The following CDH18 variants were observed in gnomAD, a reference collection of about 807,000 sequenced individuals.
The protein encoded by CDH18 is cadherin-18.
In CDH18, 31 loss-of-function variants were observed where a neutral mutation model predicts 67.9. That is an observed-to-expected ratio of 0.46 (90% confidence interval 0.34 to 0.62). The LOEUF (loss-of-function observed/expected upper bound fraction) is 0.62. Among genes scored for constraint, CDH18 ranks in the 20% least tolerant of loss-of-function variants. The pLI is 0.01. For missense variants in CDH18, 890 were observed against 975.5 expected (o/e 0.91, Z 1.17); for synonymous variants, 362 against 347.2 (o/e 1.04, Z -0.48).
At chr5:19,558,997 C>T (rs999054884) in intron 8 of CDH18, among the ~76,000 whole-genome samples, 2 of 152,028 alleles carry the variant, frequency 1.3e-5, no homozygotes, top group East Asian at 1.9e-4. Context: ...TTCACAGTAG[C>T]CTAGAGTTCT....
chr5:20,256,884 G>C (rs1356637223), intron 1 of CDH18, among the ~76,000 whole-genome samples: 1 of 151,876 alleles, frequency 6.6e-6, no homozygotes. Flanking sequence ...AATGGGCTGT[G>C]ATGTTCTGGA....
chr5:19,593,361 T>C (rs934877171), intron 6 of CDH18, among the ~76,000 whole-genome samples: 2 of 152,140 alleles, frequency 1.3e-5, no homozygotes, highest in Admixed American at 1.3e-4. Context: ...ATAGCCATCC[T>C]GAGAGGTATG....
chr5:19,875,286 C>T (rs560549380), intron 2 of CDH18, among the ~76,000 whole-genome samples: 1 of 152,192 alleles, frequency 6.6e-6, no homozygotes, highest in African/African-American at 2.4e-5. Flanking sequence ...GAAAAGTCAG[C>T]AACTGAGAGA....
At chr5:20,503,686 A>C (rs1044728241) in intron 1 of CDH18, among the ~76,000 whole-genome samples, 1 of 152,222 alleles carries the variant, frequency 6.6e-6, no homozygotes, top group African/African-American at 2.4e-5. Context: ...ATTACCTTTC[A>C]TATGGAAAAG....
chr5:20,257,019 T>G (rs1245543272), intron 1 of CDH18, among the ~76,000 whole-genome samples: 1 of 151,760 alleles, frequency 6.6e-6, no homozygotes, highest in African/African-American at 2.4e-5. Flanking sequence ...ATCATCATCC[T>G]CTATCTACTT....
At chr5:20,205,908 TTAAA>T (rs1348284471) in intron 2 of CDH18, among the ~76,000 whole-genome samples, 1 of 151,532 alleles carries the variant, frequency 6.6e-6, no homozygotes, top group Non-Finnish European at 1.5e-5. Context: ...GTGTAAAGAC[TTAAA>T]TAAACAAGTG....
chr5:20,234,759 G>T (rs1742345172), intron 2 of CDH18, among the ~76,000 whole-genome samples: 1 of 152,078 alleles, frequency 6.6e-6, no homozygotes, highest in Non-Finnish European at 1.5e-5. Flanking sequence ...CTTTAAGCAG[G>T]CTATTGTGTA....
chr5:19,655,289 C>A (rs1291926484), intron 5 of CDH18, among the ~76,000 whole-genome samples: 2 of 151,944 alleles, frequency 1.3e-5, no homozygotes, highest in Non-Finnish European at 2.9e-5. Context: ...TAAATATTAT[C>A]TACTCAAGAA....
chr5:19,877,697 T>C (rs1226475444), intron 2 of CDH18, among the ~76,000 whole-genome samples: 1 of 152,122 alleles, frequency 6.6e-6, no homozygotes, highest in Non-Finnish European at 1.5e-5. Flanking sequence ...GTAGATAGAA[T>C]TATGTAACTG....
At chr5:19,936,690 G>C (rs1228953819) in intron 2 of CDH18, among the ~76,000 whole-genome samples, 2 of 150,904 alleles carry the variant, frequency 1.3e-5, no homozygotes. Context: ...GTAAAATGTT[G>C]AGATTCTGAA....
chr5:20,209,942 A>C (rs1434203096), intron 2 of CDH18, among the ~76,000 whole-genome samples: 4 of 151,528 alleles, frequency 2.6e-5, no homozygotes, highest in Non-Finnish European at 5.9e-5. Context: ...ATGTACCCCC[A>C]AAATATTTTC....
At chr5:19,550,848 C>T (rs1476095584) in intron 8 of CDH18, among the ~76,000 whole-genome samples, 1 of 152,160 alleles carries the variant, frequency 6.6e-6, no homozygotes, top group African/African-American at 2.4e-5. Context: ...CACTGACTTC[C>T]ACAATGGTTG....
intron 4 of CDH18, among the ~76,000 whole-genome samples, chr5:19,725,447 A>C (rs992083296): frequency 1.3e-5 from 2 of 152,206 alleles, no homozygotes; most frequent in Non-Finnish European, 2.9e-5. Context: ...AAATATGGTT[A>C]AAAATGATAT....
At chr5:20,060,457 C>T (rs1045506359) in intron 2 of CDH18, among the ~76,000 whole-genome samples, 4 of 151,474 alleles carry the variant, frequency 2.6e-5, no homozygotes, top group African/African-American at 9.7e-5. Flanking sequence ...AAGCGAGATT[C>T]TGTCTCAAAA....
chr5:20,173,977 G>A (rs1737039706), intron 2 of CDH18, among the ~76,000 whole-genome samples: 1 of 151,950 alleles, frequency 6.6e-6, no homozygotes, highest in African/African-American at 2.4e-5. Context: ...CCATGATGTG[G>A]GGAAATTATA....
At chr5:19,832,662 T>G (rs1781187012) in intron 3 of CDH18, among the ~76,000 whole-genome samples, 1 of 152,154 alleles carries the variant, frequency 6.6e-6, no homozygotes, top group Admixed American at 6.6e-5. Flanking sequence ...TGGTTTAAGG[T>G]TTTATATTTA....
At chr5:19,853,062 G>A (rs1783891971) in intron 2 of CDH18, among the ~76,000 whole-genome samples, 1 of 152,128 alleles carries the variant, frequency 6.6e-6, no homozygotes, top group African/African-American at 2.4e-5. Context: ...AACTGTGAGA[G>A]GCATGTGCAT....
chr5:20,010,368 C>T (rs116705928), intron 2 of CDH18, among the ~76,000 whole-genome samples: 2,981 of 152,046 alleles, frequency 0.02, 46 homozygotes, highest in Middle Eastern at 0.044. Context: ...CACCACCACG[C>T]CCCACTATTT....
chr5:19,649,234 T>C (rs544907514), intron 5 of CDH18, among the ~76,000 whole-genome samples: 6 of 152,278 alleles, frequency 3.9e-5, no homozygotes, highest in African/African-American at 1.4e-4. Context: ...AGTCTTTGAA[T>C]GCCAATAAAC....
Sources: allele counts gnomAD v4.1 joint callset (sites outside exome capture counted in the v4.1 genomes callset), GRCh38; gene constraint gnomAD v4.1.1; transcripts MANE v1.5; gene names NCBI Gene and HGNC (gene_info 2026-07-23, HGNC 2026-07-21).